Variants in BLTP1 observed in about 807,000 individuals in gnomAD.
BLTP1 encodes bridge-like lipid transfer protein family member 1, also known as fragile site-associated protein.
the BLTP1 span, among the ~76,000 whole-genome samples, chr4:122,321,778 G>C: frequency 6.6e-6 from 1 of 151,450 alleles, no homozygotes; most frequent in Non-Finnish European, 1.5e-5. Context: ...CTCAATTTTT[G>C]TGTCTGAGAA....
At chr4:122,353,818 C>T in the BLTP1 span, 2 of 1,606,944 alleles carry the variant, frequency 1.2e-6, no homozygotes, top group East Asian at 2.2e-5. This position sits in a 1 kb window ranked among gnomAD's most constrained non-coding sequence, Gnocchi z 4.3. Context: ...TTGTAGGCTC[C>T]AGTGATCATT....
chr4:122,154,697 C>T, the BLTP1 span, among the ~76,000 whole-genome samples: 1 of 152,062 alleles, frequency 6.6e-6, no homozygotes, highest in African/African-American at 2.4e-5. Flanking sequence ...CATGGTGAAA[C>T]CCCGTGTCTA....
At chr4:122,260,014 G>T in the BLTP1 span, 1 of 610,488 alleles carries the variant, frequency 1.6e-6, no homozygotes, top group Non-Finnish European at 2.0e-6. Context: ...CAGGGATGAT[G>T]CATTCTGAGA....
At chr4:122,163,603 A>G in the BLTP1 span, among the ~76,000 whole-genome samples, 6 of 152,224 alleles carry the variant, frequency 3.9e-5, no homozygotes, top group Admixed American at 3.3e-4. Context: ...TTCAGTATCT[A>G]TGATGTGCCA....
chr4:122,157,180 A>G, the BLTP1 span, among the ~76,000 whole-genome samples: 2 of 152,224 alleles, frequency 1.3e-5, no homozygotes, highest in African/African-American at 4.8e-5. Flanking sequence ...ATCTATGGCT[A>G]AATAACAAAT....
At chr4:122,259,718 G>A in the BLTP1 span, among the ~76,000 whole-genome samples, 2 of 151,976 alleles carry the variant, frequency 1.3e-5, no homozygotes, top group Non-Finnish European at 2.9e-5. Flanking sequence ...AAATTAGCCG[G>A]GTGTGGTGGC....
chr4:122,174,642 A>G, the BLTP1 span: 129 of 1,597,574 alleles, frequency 8.1e-5, no homozygotes, highest in Admixed American at 2.4e-4. Context: ...TACAGAAGAC[A>G]TGTCTATTAG....
the BLTP1 span, chr4:122,286,760 G>A: frequency 6.2e-7 from 1 of 1,613,214 alleles, no homozygotes; most frequent in Non-Finnish European, 8.5e-7. Context: ...TATTTACAGG[G>A]AAATTATCTG....
the BLTP1 span, chr4:122,189,241 T>A: frequency 6.7e-6 from 6 of 894,110 alleles, no homozygotes; most frequent in Non-Finnish European, 8.0e-6. Flanking sequence ...TAGAAAAAAA[T>A]TGCAAGTTTT....
At chr4:122,180,727 A>T in the BLTP1 span, among the ~76,000 whole-genome samples, 1 of 152,256 alleles carries the variant, frequency 6.6e-6, no homozygotes, top group Non-Finnish European at 1.5e-5. Context: ...TGCTATTTGT[A>T]GTAAAAAAGG....
At chr4:122,229,342 A>C in the BLTP1 span, 2 of 891,594 alleles carry the variant, frequency 2.2e-6, no homozygotes, top group South Asian at 5.5e-5. Context: ...CATCTCACAG[A>C]CAGCCACAAA....
the BLTP1 span, chr4:122,347,467 G>A: frequency 5.9e-5 from 92 of 1,556,098 alleles, no homozygotes; most frequent in African/African-American, 9.9e-4. Flanking sequence ...TTATAACATA[G>A]GGATTTTACC....
the BLTP1 span, chr4:122,224,505 C>T: frequency 5.0e-6 from 8 of 1,610,004 alleles, no homozygotes; most frequent in African/African-American, 2.7e-5. Flanking sequence ...CAGCAGCGAC[C>T]CCCTGTGGAT....
the BLTP1 span, chr4:122,272,153 T>C: frequency 6.2e-7 from 1 of 1,610,058 alleles, no homozygotes; most frequent in Non-Finnish European, 8.5e-7. Context: ...TTCATTTACT[T>C]ATAAAGGAGT....
chr4:122,300,593 T>G, the BLTP1 span, among the ~76,000 whole-genome samples: 1 of 152,178 alleles, frequency 6.6e-6, no homozygotes, highest in Non-Finnish European at 1.5e-5. Context: ...CTAAATAGAT[T>G]TTTGACCCCT....
At chr4:122,249,475 T>A in the BLTP1 span, 1 of 1,610,390 alleles carries the variant, frequency 6.2e-7, no homozygotes, top group Non-Finnish European at 8.5e-7. Context: ...TTGCTCTCTT[T>A]TGATAATAGA....
the BLTP1 span, chr4:122,235,251 A>G: frequency 1.6e-6 from 1 of 641,070 alleles, no homozygotes; most frequent in Non-Finnish European, 1.9e-6. Flanking sequence ...TCTTCTGTTG[A>G]CGTGGGTGGC....
At chr4:122,267,085 G>T in the BLTP1 span, 1 of 264,862 alleles carries the variant, frequency 3.8e-6, no homozygotes, top group African/African-American at 1.6e-4. Context: ...TTGAGACGGA[G>T]TCTCGCTCTG....
the BLTP1 span, chr4:122,246,231 C>T: frequency 3.0e-5 from 49 of 1,607,018 alleles, no homozygotes; most frequent in Admixed American, 5.1e-5. Flanking sequence ...CAAGCACAGA[C>T]AAATCTTACA....
Sources: allele counts gnomAD v4.1 joint callset (sites outside exome capture counted in the v4.1 genomes callset), GRCh38; gene constraint gnomAD v4.1.1; non-coding constraint Gnocchi (gnomAD v3.1); transcripts MANE v1.5; gene names NCBI Gene and HGNC (gene_info 2026-07-23, HGNC 2026-07-21).